Variants in RBFOX3 observed in about 807,000 individuals in gnomAD.
RBFOX3 encodes RNA binding protein fox-1 homolog 3.
Under a neutral mutation model 48.7 loss-of-function variants are expected in RBFOX3, and 17 were observed. That is an observed-to-expected ratio of 0.35 (90% confidence interval 0.24 to 0.52). The LOEUF (loss-of-function observed/expected upper bound fraction) is 0.52. Among genes scored for constraint, RBFOX3 ranks in the 20% least tolerant of loss-of-function variants. The probability of loss-of-function intolerance (pLI) is 0.94; values close to 1 mark genes in which losing one functional copy is unlikely to be tolerated. For missense variants in RBFOX3, 382 were observed against 497.5 expected, an observed-to-expected ratio of 0.77 and a Z score of 2.21; for synonymous variants, 212 against 209.5, an observed-to-expected ratio of 1.01 and a Z score of -0.10.
At chr17:79,158,982 T>C (rs1262111075) in intron 4 of RBFOX3, among the ~76,000 whole-genome samples, 1 of 152,122 alleles carries the variant, frequency 6.6e-6, no homozygotes, top group Non-Finnish European at 1.5e-5. Context: ...ACCTGCTGTA[T>C]ACTAAGCGCT....
chr17:79,408,709 A>G (rs1235162983), intron 2 of RBFOX3, among the ~76,000 whole-genome samples: 2 of 152,228 alleles, frequency 1.3e-5, no homozygotes, highest in Non-Finnish European at 2.9e-5. Context: ...GCCAAATTGC[A>G]TCTGAATAAT....
chr17:79,484,137 C>A (rs966630882), intron 1 of RBFOX3, among the ~76,000 whole-genome samples: 2 of 152,324 alleles, frequency 1.3e-5, no homozygotes, highest in African/African-American at 2.4e-5. Context: ...GAATCCCCCC[C>A]ACCACTGGCA....
intron 2 of RBFOX3, among the ~76,000 whole-genome samples, chr17:79,316,299 A>C (rs139518373): frequency 1.9e-4 from 29 of 152,296 alleles, no homozygotes; most frequent in Non-Finnish European, 2.2e-4. Context: ...CCATGAAACA[A>C]ACAGAGAAGT....
At chr17:79,101,686 G>GC in intron 8 of RBFOX3, 42 bp from the exon 9 acceptor site, 1 of 1,526,856 alleles carries the variant, frequency 6.5e-7, no homozygotes, top group Non-Finnish European at 8.9e-7. Flanking sequence ...GGGAGGATTA[G>GC]CCTCCTGGAA....
intron 2 of RBFOX3, among the ~76,000 whole-genome samples, chr17:79,417,919 T>C (rs1598605591): frequency 6.6e-6 from 1 of 152,196 alleles, no homozygotes; most frequent in African/African-American, 2.4e-5. Context: ...ACACACAACA[T>C]GGGAGAACCC....
chr17:79,170,037 G>C (rs1168029395), intron 4 of RBFOX3, among the ~76,000 whole-genome samples: 2 of 139,210 alleles, frequency 1.4e-5, no homozygotes, highest in African/African-American at 5.9e-5. Flanking sequence ...AAGGAGAGAA[G>C]GAAGGAGAAG....
At chr17:79,191,620 A>G (rs997467243) in intron 4 of RBFOX3, among the ~76,000 whole-genome samples, 4 of 152,242 alleles carry the variant, frequency 2.6e-5, no homozygotes, top group Non-Finnish European at 5.9e-5. Context: ...GGGCCGGGCC[A>G]TGGAGTGACG....
intron 4 of RBFOX3, among the ~76,000 whole-genome samples, chr17:79,141,951 G>T (rs1419541928): frequency 6.6e-6 from 1 of 152,230 alleles, no homozygotes; most frequent in African/African-American, 2.4e-5. Context: ...ACACAGGTAG[G>T]AAAGCAAAGA....
intron 5 of RBFOX3, among the ~76,000 whole-genome samples, chr17:79,109,026 G>A (rs1159265497): frequency 6.6e-6 from 1 of 152,270 alleles, no homozygotes; most frequent in Admixed American, 6.5e-5. Context: ...CTGGGCATGC[G>A]CTGCAGGACC....
At chr17:79,174,927 C>G (rs1292752071) in intron 4 of RBFOX3, among the ~76,000 whole-genome samples, 2 of 152,232 alleles carry the variant, frequency 1.3e-5, no homozygotes, top group Non-Finnish European at 2.9e-5. Flanking sequence ...TCCACAGTGG[C>G]CTCTGCCTGG....
At chr17:79,406,657 T>C (rs532504943) in intron 2 of RBFOX3, among the ~76,000 whole-genome samples, 1 of 152,230 alleles carries the variant, frequency 6.6e-6, no homozygotes, top group South Asian at 2.1e-4. Context: ...AGTGTCATTA[T>C]CTCCCCATGT....
chr17:79,137,267 A>C (rs543139150), intron 4 of RBFOX3, among the ~76,000 whole-genome samples: 1 of 149,002 alleles, frequency 6.7e-6, no homozygotes, highest in African/African-American at 2.5e-5. Flanking sequence ...AGCCCTGTTC[A>C]TGCACACTCA....
At chr17:79,521,269 CGCACAGACACAT>C (rs1308177757) in intron 1 of RBFOX3, among the ~76,000 whole-genome samples, 7,600 of 145,966 alleles carry the variant, frequency 0.052, 375 homozygotes, top group African/African-American at 0.15. Flanking sequence ...CACAGACACA[CGCACAGACACAT>C]GCACAGACAC....
intron 4 of RBFOX3, among the ~76,000 whole-genome samples, chr17:79,156,711 G>A (rs1371048259): frequency 6.6e-6 from 1 of 152,224 alleles, no homozygotes; most frequent in African/African-American, 2.4e-5. Context: ...TTGCAGCAGA[G>A]GCTGTGTGGC....
rs118080685 is a variant in RBFOX3 at position 79,267,007 on chromosome 17, C to T, written c.-73-31202G>A. Among the ~76,000 whole-genome samples, 1,484 of 152,254 alleles carry T rather than the reference C, an allele frequency of 9.7e-3. 12 individuals are homozygous for T. Among genetic ancestry groups the T allele is most frequent in the Non-Finnish European group, 0.017 (1,135 of 68,012 alleles). On this transcript the variant is annotated intron_variant, in intron 3 of 14. Transcript: ENST00000693108. ...ACTGAACCTGAGGCGGTCATGGGAA[C>T]CCCAGAATTTGCAGCTGGCTGGTCA...
rs2062691803 is a variant in RBFOX3 at position 79,243,430 on chromosome 17, AC to A, written c.-73-7626del. 6.6e-6 allele frequency among the ~76,000 whole-genome samples: 1 copy of A among 152,144 alleles called. No individual in the cohort carries two copies. The highest frequency in any genetic ancestry group is 2.1e-4 in the South Asian group (1 of 4,828). ...CCAACATCAGCCCAAACCTTCTGTG[AC>A]CAGTTGACTCTTCCAGCTGTGCTGG... On this transcript the variant is annotated intron_variant, in intron 3 of 14. Transcript: ENST00000693108. This position sits in a 1 kb window ranked among gnomAD's most constrained non-coding sequence, Gnocchi z 7.9.
At chr17:79,341,392 C>A (rs146402520) in intron 2 of RBFOX3, among the ~76,000 whole-genome samples, 20 of 152,364 alleles carry the variant, frequency 1.3e-4, no homozygotes, top group Non-Finnish European at 2.4e-4. Context: ...TACTATACAG[C>A]TTCATACCTT....
In RBFOX3 at chr17:79,239,169, C is replaced by T. The variant is rs572322805; in HGVS notation, c.-73-3364G>A. On this transcript the variant is annotated intron_variant, in intron 3 of 14. Coordinates refer to ENST00000693108, the MANE Select transcript of RBFOX3 (RefSeq NM_001350451.2). ...TTCTGAGATGTCGGCTCCCCCTCCT[C>T]TTCTGCACTCCCAGCATTTTCTATG... Among the ~76,000 whole-genome samples the T allele has an allele frequency of 2.6e-5, 4 of 152,322 alleles. No individual in the cohort carries two copies. In the South Asian group the frequency reaches 8.3e-4, roughly 32 times the overall value.
rs2064432814 is a variant in RBFOX3 at position 79,254,328 on chromosome 17, C to A, written c.-73-18523G>T. On this transcript the variant is annotated intron_variant, in intron 3 of 14. Transcript: ENST00000693108. This position sits in a 1 kb window ranked among gnomAD's most constrained non-coding sequence, Gnocchi z 4.8. ...TTCAGAACCCTGCCCACCCCGCAACCCCCAGGTGGCAGCAGGTGAGGAACC... is the reference window on the plus strand; with the variant it reads ...TTCAGAACCCTGCCCACCCCGCAACACCCAGGTGGCAGCAGGTGAGGAACC... Among the ~76,000 whole-genome samples the A allele has an allele frequency of 4.6e-5, 7 of 152,226 alleles. 1 individual carries two copies. In the South Asian group the frequency reaches 1.5e-3, roughly 32 times the overall value.
Sources: gnomAD v4.1 joint callset for allele counts (sites outside exome capture counted in the v4.1 genomes callset) on GRCh38, gnomAD v4.1.1 for gene constraint, Gnocchi (gnomAD v3.1) non-coding constraint, MANE v1.5 for transcripts, NCBI Gene and HGNC (gene_info 2026-07-23, HGNC 2026-07-21) for gene names.